MDGA2: variants seen among roughly 807,000 people sequenced by gnomAD.
MDGA2 encodes MAM domain-containing glycosylphosphatidylinositol anchor protein 2.
MDGA2 carries 40 observed loss-of-function variants against 117.8 expected under a neutral mutation model. The ratio of observed to expected loss-of-function variants is 0.34; its 90% CI spans 0.26 to 0.44. The LOEUF (loss-of-function observed/expected upper bound fraction) is 0.44, where lower values mean the gene tolerates loss of function less well. MDGA2 is among the 20% of genes least tolerant of loss of function. MDGA2 has a pLI of 1.00. For synonymous variants in MDGA2, 452 were observed against 439.0 expected (o/e 1.03, Z -0.37); for missense variants, 1,123 against 1,250.6 (o/e 0.90, Z 1.54).
chr14:47,351,240 C>T (rs1048473269), intron 1 of MDGA2, among the ~76,000 whole-genome samples: 4 of 152,046 alleles, frequency 2.6e-5, no homozygotes, highest in Admixed American at 6.6e-5. Flanking sequence ...TGCCACCATG[C>T]CCCGCTAATT....
intron 10 of MDGA2, among the ~76,000 whole-genome samples, chr14:46,905,031 T>C (rs1883434849): frequency 6.6e-6 from 1 of 152,194 alleles, no homozygotes; most frequent in Non-Finnish European, 1.5e-5. Flanking sequence ...TAATGGAACA[T>C]GCAGGGACAG....
intron 5 of MDGA2, among the ~76,000 whole-genome samples, chr14:47,102,877 G>T (rs1039745929): frequency 6.6e-6 from 1 of 152,162 alleles, no homozygotes; most frequent in East Asian, 1.9e-4. Context: ...GCAACCTCCA[G>T]GCCAGGACAG....
chr14:47,530,369 C>G (rs1290733576), intron 1 of MDGA2, among the ~76,000 whole-genome samples: 3 of 152,180 alleles, frequency 2.0e-5, no homozygotes, highest in African/African-American at 7.2e-5. Flanking sequence ...GCCACTGTTA[C>G]TGCTGATTAA....
At chr14:47,134,775 C>T (rs1882370230) in intron 4 of MDGA2, among the ~76,000 whole-genome samples, 1 of 140,112 alleles carries the variant, frequency 7.1e-6, no homozygotes, top group Non-Finnish European at 1.6e-5. Flanking sequence ...CACACACACA[C>T]ACTATATATA....
intron 2 of MDGA2, among the ~76,000 whole-genome samples, chr14:47,295,923 T>C (rs1357667196): frequency 1.5e-5 from 2 of 131,704 alleles, no homozygotes; most frequent in African/African-American, 5.4e-5. Flanking sequence ...CATATATAGA[T>C]AGATGATAAG....
intron 12 of MDGA2, 76 bp downstream of exon 12, chr14:46,877,413 T>C: frequency 1.2e-6 from 1 of 838,508 alleles, no homozygotes; most frequent in Non-Finnish European, 1.8e-6. Flanking sequence ...TACTAAACAA[T>C]TTTTGTATAT....
intron 1 of MDGA2, among the ~76,000 whole-genome samples, chr14:47,563,695 T>C (rs369566434): frequency 1.7e-4 from 25 of 150,432 alleles, no homozygotes; most frequent in African/African-American, 5.8e-4. Context: ...CCACTGAATC[T>C]TGCTTTTTTA....
intron 10 of MDGA2, among the ~76,000 whole-genome samples, chr14:46,893,968 T>A (rs894657075): frequency 6.6e-6 from 1 of 152,042 alleles, no homozygotes. Context: ...GCTGAGCCTT[T>A]AATGGCACAT....
At chr14:46,915,912 G>C (rs1883881364) in intron 10 of MDGA2, among the ~76,000 whole-genome samples, 1 of 152,172 alleles carries the variant, frequency 6.6e-6, no homozygotes, top group African/African-American at 2.4e-5. Flanking sequence ...ACAGGATCTT[G>C]GTATCTGCTT....
intron 1 of MDGA2, among the ~76,000 whole-genome samples, chr14:47,468,157 C>A (rs1203842837): frequency 6.6e-6 from 1 of 152,042 alleles, no homozygotes; most frequent in Non-Finnish European, 1.5e-5. Flanking sequence ...CCAAGCATTT[C>A]TAGGTGAGTA....
At chr14:46,906,645 C>T (rs75349470) in intron 10 of MDGA2, among the ~76,000 whole-genome samples, 2 of 152,096 alleles carry the variant, frequency 1.3e-5, no homozygotes, top group African/African-American at 4.8e-5. Flanking sequence ...GAACTTTACA[C>T]TTTATAACTG....
intron 1 of MDGA2, among the ~76,000 whole-genome samples, chr14:47,491,146 C>A (rs963547051): frequency 6.6e-6 from 1 of 151,796 alleles, no homozygotes; most frequent in African/African-American, 2.4e-5. Flanking sequence ...TTTTTGTTAT[C>A]CTAAAATTAT....
chr14:46,907,283 G>C (rs1239709198), intron 10 of MDGA2, among the ~76,000 whole-genome samples: 5 of 152,018 alleles, frequency 3.3e-5, no homozygotes, highest in Non-Finnish European at 7.4e-5. Flanking sequence ...TGGACTGCTT[G>C]TCTTGCTTTC....
At chr14:46,902,280 G>T (rs1048873536) in intron 10 of MDGA2, among the ~76,000 whole-genome samples, 1 of 152,044 alleles carries the variant, frequency 6.6e-6, no homozygotes, top group East Asian at 1.9e-4. Flanking sequence ...AACGTAAGTG[G>T]TAATCAGTGG....
Position 47,054,322 on chromosome 14 carries a change from C to A in MDGA2, c.1525+6927G>T, listed in dbSNP as rs1977815. On this transcript the variant is annotated intron_variant, in intron 7 of 16. Transcript: ENST00000399232. ...TTGTTCCTGAGTGAGTCTCAAAGCT[C>A]TTATTATTATTATTATTATACTTTA... Among the ~76,000 whole-genome samples, 651 of 151,312 alleles carry A rather than the reference C, an allele frequency of 4.3e-3. 5 individuals carry two copies. The highest frequency in any genetic ancestry group is 0.015 in the African/African-American group (598 of 41,108).
chr14:47,595,550 AAAAAAAC>A (rs1422771516), intron 1 of MDGA2, among the ~76,000 whole-genome samples: 4 of 94,896 alleles, frequency 4.2e-5, no homozygotes, highest in East Asian at 8.8e-4. Flanking sequence ...CAAAAAACAA[AAAAAAAC>A]AAAAAAAAAA....
At chr14:47,444,504 A>G in intron 1 of MDGA2, 1 of 185,244 alleles carries the variant, frequency 5.4e-6, no homozygotes, top group South Asian at 1.3e-4. Flanking sequence ...TTATGGTGGC[A>G]TGGAAAGATG....
chr14:47,194,305 A>G (rs1885211944), intron 3 of MDGA2, among the ~76,000 whole-genome samples: 1 of 152,160 alleles, frequency 6.6e-6, no homozygotes, highest in African/African-American at 2.4e-5. Flanking sequence ...CTGACTCACC[A>G]ATAATAAAGG....
chr14:47,069,037 G>A (rs1349481280), intron 6 of MDGA2, among the ~76,000 whole-genome samples: 1 of 152,032 alleles, frequency 6.6e-6, no homozygotes, highest in African/African-American at 2.4e-5. Flanking sequence ...TATTCTCTCA[G>A]ACTGAAACTT....
Sources: allele counts gnomAD v4.1 joint callset (sites outside exome capture counted in the v4.1 genomes callset), GRCh38; gene constraint gnomAD v4.1.1; transcripts MANE v1.5; gene names NCBI Gene and HGNC (gene_info 2026-07-23, HGNC 2026-07-21).